Variants in ZGRF1 observed in about 807,000 individuals in gnomAD.
ZGRF1 encodes 5'-3' DNA helicase ZGRF1.
ZGRF1 carries 196 observed loss-of-function variants against 203.5 expected under a neutral mutation model. That is an observed-to-expected ratio of 0.96 (90% CI 0.86 to 1.08). ZGRF1 has a LOEUF of 1.08. Among genes scored for constraint, ZGRF1 ranks in the 50% least tolerant of loss-of-function variants. The pLI, the probability that ZGRF1 is intolerant of heterozygous loss-of-function variation, is 0.00. For missense variants in ZGRF1, 2,326 were observed against 2,416.3 expected (o/e 0.96, Z 0.78); for synonymous variants, 809 against 841.3 (o/e 0.96, Z 0.66).
intron 16 of ZGRF1, chr4:112,565,486 G>A (rs568072801): frequency 3.0e-6 from 2 of 656,516 alleles, no homozygotes; most frequent in Admixed American, 5.7e-5. Context: ...CTGAACGTTA[G>A]GTATTTTTTT....
chr4:112,567,629 A>C (rs996438888), intron 16 of ZGRF1, among the ~76,000 whole-genome samples: 36 of 152,174 alleles, frequency 2.4e-4, no homozygotes, highest in Non-Finnish European at 5.3e-4. Flanking sequence ...ATATGCACAT[A>C]CATACAAGAA....
intron 10 of ZGRF1, among the ~76,000 whole-genome samples, chr4:112,597,272 T>A (rs1008629479): frequency 1.4e-5 from 2 of 147,740 alleles, no homozygotes; most frequent in East Asian, 4.0e-4. Flanking sequence ...ACACCTATAA[T>A]CCCAGCACTT....
intron 3 of ZGRF1, 43 bp downstream of exon 3, chr4:112,631,887 G>T: frequency 9.6e-7 from 1 of 1,042,136 alleles, no homozygotes; most frequent in Non-Finnish European, 1.4e-6. Flanking sequence ...CAAAAATCGA[G>T]AACCTTGCTC....
At chr4:112,554,546 G>A (rs1740598282) in intron 21 of ZGRF1, among the ~76,000 whole-genome samples, 159 bp downstream of exon 21, 1 of 152,032 alleles carries the variant, frequency 6.6e-6, no homozygotes. Flanking sequence ...GGATGAAGCT[G>A]GAAACCATCA....
At chr4:112,626,085 T>G (rs541266828) in intron 3 of ZGRF1, among the ~76,000 whole-genome samples, 1 of 152,274 alleles carries the variant, frequency 6.6e-6, no homozygotes, top group South Asian at 2.1e-4. Flanking sequence ...GATTTGTGTT[T>G]GCATAGGGCT....
At chr4:112,633,305 T>C (rs2047473895) in intron 1 of ZGRF1, 63 bp from the exon 2 acceptor site, 2 of 763,420 alleles carry the variant, frequency 2.6e-6, no homozygotes, top group Non-Finnish European at 4.3e-6. Context: ...ATATAATTTT[T>C]CTCAATAAAC....
intron 10 of ZGRF1, among the ~76,000 whole-genome samples, chr4:112,592,637 A>G (rs945318685): frequency 1.3e-5 from 2 of 152,148 alleles, no homozygotes; most frequent in African/African-American, 4.8e-5. Flanking sequence ...TACTGCTTTA[A>G]ACTTTTCTTT....
intron 16 of ZGRF1, among the ~76,000 whole-genome samples, chr4:112,573,198 A>ACC (rs913266647): frequency 2.0e-5 from 3 of 150,344 alleles, no homozygotes; most frequent in African/African-American, 5.0e-5. Flanking sequence ...ACACACACAC[A>ACC]CACCCATGGA....
chr4:112,562,202 C>T (rs926659697), intron 18 of ZGRF1, 169 bp downstream of exon 18: 34 of 516,854 alleles, frequency 6.6e-5, no homozygotes, highest in African/African-American at 5.2e-4. Context: ...AGCCACTGCA[C>T]CCAGCCCCTT....
At chr4:112,552,835 G>A (rs900424995) in intron 22 of ZGRF1, among the ~76,000 whole-genome samples, 17 of 152,266 alleles carry the variant, frequency 1.1e-4, no homozygotes, top group African/African-American at 3.9e-4. Context: ...AGGCTTGGCC[G>A]TGTGACCTGT....
At chr4:112,635,782 C>G (rs890302540) in intron 1 of ZGRF1, among the ~76,000 whole-genome samples, 1 of 151,668 alleles carries the variant, frequency 6.6e-6, no homozygotes, top group Non-Finnish European at 1.5e-5. Context: ...AGCATTATTA[C>G]AATTTACAGA....
rs1379384808 is a variant in ZGRF1, at chr4:112,618,559, T to C, written c.1483A>G (p.Ile495Val). ...ATCATGTCTGTAATGTCATCAGAGA[T>C]CCTAGAATTATTACTAGATTCAATT... Reference protein sequence around the residue: ...LQIESSNNSRISDDITDMISE... With the variant: ...LQIESSNNSRVSDDITDMISE... The change falls in exon 6 of 28, where the codon ATC (isoleucine) becomes GTC (valine). Residue 495 changes from isoleucine to valine, a missense_variant. Transcript: ENST00000505019. 6.2e-7 allele frequency: 1 copy of C among 1,613,660 alleles called. No homozygotes were observed. Among genetic ancestry groups the C allele is most frequent in the East Asian group, 2.2e-5 (1 of 44,832 alleles).
In ZGRF1 at chr4:112,619,643, T is replaced by C; in HGVS notation, c.399A>G (p.Glu133=). Residue 133 remains glutamate, a synonymous_variant, in exon 6 of 28, where the codon GAA becomes GAG. Transcript: ENST00000505019. ...CATGTGATGCAGCTGATTCACCACT[T>C]TCCATAATAACCATTTTCTTTGGAA... The part of the protein sequence containing the change: ...RQVPKKMVIM[E]SGESAASHEA... The C allele has an allele frequency of 6.2e-7, 1 of 1,612,660 alleles. No individual in the cohort carries two copies. Among genetic ancestry groups the C allele is most frequent in the Non-Finnish European group, 8.5e-7 (1 of 1,179,612 alleles).
chr4:112,595,261 T>C (rs1021404009), intron 10 of ZGRF1, among the ~76,000 whole-genome samples: 1 of 152,228 alleles, frequency 6.6e-6, no homozygotes, highest in Non-Finnish European at 1.5e-5. Flanking sequence ...ATCTTAATAA[T>C]CACTTAAATA....
chr4:112,602,169 C>T (rs1378422406), intron 10 of ZGRF1, among the ~76,000 whole-genome samples: 2 of 151,906 alleles, frequency 1.3e-5, no homozygotes, highest in Non-Finnish European at 2.9e-5. Context: ...CGCCATTGCA[C>T]TCCAGTCTGG....
rs1353077787 is a variant in ZGRF1, at chr4:112,579,641, G to C, written c.4438+2022C>G. Among the ~76,000 whole-genome samples the C allele has an allele frequency of 8.3e-5, 10 of 120,862 alleles. 2 individuals are homozygous for C. Among genetic ancestry groups the C allele is most frequent in the Non-Finnish European group, 1.8e-4 (10 of 54,456 alleles). 79.3% of individuals were successfully genotyped at this position (120,862 alleles called of 152,430 possible). On this transcript the variant is annotated intron_variant, in intron 16 of 27. Coordinates refer to ENST00000505019, the MANE Select transcript of ZGRF1 (RefSeq NM_018392.5). ...TATACACCAATAACAGACAAACAGA[G>C]AGCCAAATCATGAGTGAACTCCCAT... is the stretch of plus-strand genomic sequence containing the variant.
In ZGRF1 at chr4:112,617,789, A is replaced by G; in HGVS notation, c.2253T>C (p.Ile751=). 1.9e-6 allele frequency: 3 copies of G among 1,613,994 alleles called. No individual in the cohort carries two copies. The highest frequency in any genetic ancestry group is 1.7e-6 in the Non-Finnish European group (2 of 1,179,842). ...TGTGGGTATTTGATTTATCAAGTGCAATACATTCATAGTGATTCTGATTGG... is the reference window on the plus strand; with the variant it reads ...TGTGGGTATTTGATTTATCAAGTGCGATACATTCATAGTGATTCTGATTGG... The part of the protein sequence containing the change: ...LNTNQNHYEC[I]ALDKSNTHIS... Residue 751 remains isoleucine (I), a synonymous_variant, in exon 6 of 28, where the codon ATT becomes ATC. Coordinates refer to ENST00000505019, the MANE Select transcript of ZGRF1 (RefSeq NM_018392.5).
At chr4:112,623,569 C>G (rs1293417405) in intron 4 of ZGRF1, among the ~76,000 whole-genome samples, 1 of 152,102 alleles carries the variant, frequency 6.6e-6, no homozygotes, top group Non-Finnish European at 1.5e-5. Context: ...TGAACATAAG[C>G]AAGTTACTTA....
intron 16 of ZGRF1, 91 bp from the exon 17 acceptor site, chr4:112,563,365 C>T (rs186067473): frequency 1.1e-4 from 102 of 928,580 alleles, no homozygotes; most frequent in South Asian, 9.5e-4. Flanking sequence ...TATGTGTGTA[C>T]ATATATCTAT....
Sources: allele counts gnomAD v4.1 joint callset (sites outside exome capture counted in the v4.1 genomes callset), GRCh38; gene constraint gnomAD v4.1.1; transcripts MANE v1.5; gene names NCBI Gene and HGNC (gene_info 2026-07-23, HGNC 2026-07-21).